Variants in CTIF observed in about 807,000 individuals in gnomAD.
CTIF encodes CBP80/20-dependent translation initiation factor.
In CTIF, 21 loss-of-function variants were observed where a neutral mutation model predicts 66.0. The ratio of observed to expected loss-of-function variants is 0.32; its 90% CI spans 0.23 to 0.46. The LOEUF (loss-of-function observed/expected upper bound fraction) is 0.46. Ranked by LOEUF, CTIF falls within the 20% of genes least tolerant of loss-of-function variation. The pLI is 1.00. For missense variants in CTIF, 739 were observed against 812.7 expected, an observed-to-expected ratio of 0.91 and a Z score of 1.10; for synonymous variants, 345 against 326.4, an observed-to-expected ratio of 1.06 and a Z score of -0.62.
At chr18:48,753,176 C>T (rs1447311173) in intron 7 of CTIF, among the ~76,000 whole-genome samples, 2 of 152,184 alleles carry the variant, frequency 1.3e-5, no homozygotes, top group African/African-American at 4.8e-5. Flanking sequence ...ATCACTTTTC[C>T]TGAAGGCAAG....
At chr18:48,701,756 A>C (rs796686772) in intron 6 of CTIF, among the ~76,000 whole-genome samples, 1 of 152,194 alleles carries the variant, frequency 6.6e-6, no homozygotes, top group East Asian at 1.9e-4. Flanking sequence ...TCAGAAATTA[A>C]TAAGTAAATG....
chr18:48,839,344 C>T lies in CTIF; in HGVS notation c.1528-18244C>T, dbSNP rs572757302. ...CAAAGGTTTCTTCCCAGGAAGCTGT[C>T]CCTGAGCCTCCTCTCCTGACCCAGG... On this transcript the variant is annotated intron_variant, in intron 10 of 11. Transcript: ENST00000256413. 3.3e-5 allele frequency among the ~76,000 whole-genome samples: 5 copies of T among 152,270 alleles called. No individual in the cohort carries two copies. The South Asian group carries it at 8.3e-4, about 25-fold the overall frequency.
At chr18:48,540,948 C>T (rs1568019762) in intron 1 of CTIF, among the ~76,000 whole-genome samples, 1 of 152,256 alleles carries the variant, frequency 6.6e-6, no homozygotes, top group Non-Finnish European at 1.5e-5. Context: ...AGTCCCAGGT[C>T]CGCTGTGCGG....
intron 1 of CTIF, among the ~76,000 whole-genome samples, chr18:48,570,442 C>G (rs1053050675): frequency 1.3e-5 from 2 of 152,214 alleles, no homozygotes; most frequent in Non-Finnish European, 2.9e-5. Flanking sequence ...CTAACAGTCC[C>G]TCTGGTCAGA....
In CTIF at chr18:48,859,537, C is replaced by G; in HGVS notation, c.1775C>G (p.Thr592Ser). ...TPPITQYYNR[T>S]IQKLTA ...CCCATCACGCAGTACTACAACAGAA[C>G]CATCCAGAAACTGACAGCCTGACAG... Residue 592 changes from threonine to serine, a missense_variant, in exon 12 of 12, where the codon ACC becomes AGC. This residue lies in a region of CTIF where 210 missense variants were observed against 292.3 expected (regional missense o/e 0.72). Transcript: ENST00000256413. 4.3e-6 allele frequency: 7 copies of G among 1,614,098 alleles called. No homozygotes were observed. Among genetic ancestry groups the G allele is most frequent in the Non-Finnish European group, 5.9e-6 (7 of 1,180,038 alleles).
intron 1 of CTIF, among the ~76,000 whole-genome samples, chr18:48,555,863 A>C (rs1599135630): frequency 1.3e-5 from 2 of 152,132 alleles, no homozygotes; most frequent in South Asian, 2.1e-4. Flanking sequence ...GGGCATGGGG[A>C]ATAGGGGGCA....
chr18:48,741,274 G>GCCCCCCCCC (rs759009342), intron 7 of CTIF, among the ~76,000 whole-genome samples: 2 of 100,036 alleles, frequency 2.0e-5, no homozygotes, highest in African/African-American at 3.5e-5. Context: ...TCTTTACTCT[G>GCCCCCCCCC]CCCCCGCCCC....
chr18:48,778,334 G>A (rs576953201), intron 9 of CTIF, among the ~76,000 whole-genome samples: 1 of 152,302 alleles, frequency 6.6e-6, no homozygotes, highest in South Asian at 2.1e-4. Context: ...ATCAGGAGGC[G>A]GGAGCCCCAG....
At chr18:48,647,507 G>A (rs2091065695) in intron 3 of CTIF, among the ~76,000 whole-genome samples, 1 of 152,180 alleles carries the variant, frequency 6.6e-6, no homozygotes, top group Non-Finnish European at 1.5e-5. Context: ...CCCATGGAGG[G>A]AAACTGCGTA....
chr18:48,553,702 C>G (rs2088947379), intron 1 of CTIF, among the ~76,000 whole-genome samples: 1 of 151,436 alleles, frequency 6.6e-6, no homozygotes, highest in South Asian at 2.1e-4. Flanking sequence ...GCCGCCCAGG[C>G]TGGAGTGCAG....
intron 6 of CTIF, among the ~76,000 whole-genome samples, chr18:48,687,239 A>C (rs956944427): frequency 6.7e-6 from 1 of 149,698 alleles, no homozygotes; most frequent in Non-Finnish European, 1.5e-5. Flanking sequence ...AAGGGGGTGC[A>C]GGATGTACCT....
intron 2 of CTIF, among the ~76,000 whole-genome samples, chr18:48,635,951 G>A (rs1314256949): frequency 6.6e-6 from 1 of 152,176 alleles, no homozygotes; most frequent in Non-Finnish European, 1.5e-5. Flanking sequence ...TCAAAATGCT[G>A]ATCCTCTGGC....
chr18:48,713,176 G>T (rs1014862446), intron 7 of CTIF, among the ~76,000 whole-genome samples: 1 of 152,182 alleles, frequency 6.6e-6, no homozygotes, highest in African/African-American at 2.4e-5. Context: ...GAGGAATAGG[G>T]TTCACAGGGG....
intron 7 of CTIF, among the ~76,000 whole-genome samples, chr18:48,733,329 G>A (rs750503167): frequency 6.6e-6 from 1 of 152,198 alleles, no homozygotes; most frequent in Non-Finnish European, 1.5e-5. Flanking sequence ...CTGGGCCCCT[G>A]CCTGTCTCTT....
chr18:48,718,590 AC>A, intron 7 of CTIF, among the ~76,000 whole-genome samples: 1 of 151,848 alleles, frequency 6.6e-6, no homozygotes, highest in Non-Finnish European at 1.5e-5. Flanking sequence ...GAGTGAAGTC[AC>A]CCCTCCTCTG....
At chr18:48,614,874 TG>T (rs1182595773) in intron 1 of CTIF, among the ~76,000 whole-genome samples, 24 of 152,054 alleles carry the variant, frequency 1.6e-4, no homozygotes, top group Admixed American at 6.5e-4. Flanking sequence ...GTTGGTTGGT[TG>T]TTTTTTTTGT....
At chr18:48,614,458 C>T (rs2090362028) in intron 1 of CTIF, among the ~76,000 whole-genome samples, 1 of 152,190 alleles carries the variant, frequency 6.6e-6, no homozygotes, top group Admixed American at 6.5e-5. Context: ...CCCAAATGCC[C>T]ATCAGTGGAT....
intron 10 of CTIF, among the ~76,000 whole-genome samples, chr18:48,856,044 A>G (rs1445960588): frequency 1.3e-5 from 2 of 152,208 alleles, no homozygotes; most frequent in Admixed American, 6.5e-5. Flanking sequence ...AAGCTTGACA[A>G]TAACTATTTG....
At chr18:48,659,533 G>C (rs1273067169) in intron 3 of CTIF, among the ~76,000 whole-genome samples, 3 of 152,238 alleles carry the variant, frequency 2.0e-5, no homozygotes, top group African/African-American at 4.8e-5. Context: ...TGCAAAGATG[G>C]GGTCCGGCTC....
Sources: allele counts gnomAD v4.1 joint callset (sites outside exome capture counted in the v4.1 genomes callset), GRCh38; gene constraint gnomAD v4.1.1; regional missense constraint gnomAD v4.1.1; transcripts MANE v1.5; gene names NCBI Gene and HGNC (gene_info 2026-07-23, HGNC 2026-07-21).